CD226: variants seen among roughly 807,000 people sequenced by gnomAD.
CD226 encodes CD226 antigen.
CD226 carries 24 observed loss-of-function variants against 34.9 expected under a neutral mutation model. That is an observed-to-expected ratio of 0.69 (90% confidence interval 0.50 to 0.97). The LOEUF is 0.97. Ranked by LOEUF, CD226 falls within the 50% of genes least tolerant of loss-of-function variation. CD226 has a pLI of 0.00. For synonymous variants in CD226, 148 were observed against 147.4 expected (o/e 1.00, Z -0.03); for missense variants, 397 against 412.7 (o/e 0.96, Z 0.33).
intron 3 of CD226, among the ~76,000 whole-genome samples, chr18:69,882,319 T>C (rs1326757719): frequency 6.6e-6 from 1 of 152,202 alleles, no homozygotes; most frequent in Non-Finnish European, 1.5e-5. Flanking sequence ...AAGGTTTATG[T>C]CAGTTGAGAA....
chr18:69,893,917 T>C (rs995404538), intron 3 of CD226, among the ~76,000 whole-genome samples: 1 of 152,244 alleles, frequency 6.6e-6, no homozygotes, highest in Non-Finnish European at 1.5e-5. Flanking sequence ...AGACCTTTTC[T>C]TCTTCATTTT....
At chr18:69,866,894 C>A (rs1272728943) in intron 5 of CD226, among the ~76,000 whole-genome samples, 1 of 152,106 alleles carries the variant, frequency 6.6e-6, no homozygotes, top group South Asian at 2.1e-4. Flanking sequence ...GATGTGTCTA[C>A]CAGCCAAGGA....
rs1336810401 is a variant in CD226, at chr18:69,902,888, G to A, written c.383-6843C>T. ...AGTAGCTTCACGTATTCCCAACTGT[G>A]CCTAGACTATGAATATGCTCAATTA... On this transcript the variant is annotated intron_variant, in intron 2 of 5. Coordinates refer to ENST00000582621, the MANE Select transcript of CD226 (RefSeq NM_001303618.2). Among the ~76,000 whole-genome samples the A allele has an allele frequency of 2.0e-5, 3 of 152,182 alleles. No homozygotes were observed. In the East Asian group the frequency reaches 5.8e-4, roughly 30 times the overall value.
chr18:69,948,981 T>G (rs2055823534), upstream of CD226, among the ~76,000 whole-genome samples: 1 of 152,102 alleles, frequency 6.6e-6, no homozygotes, highest in Admixed American at 6.5e-5. Flanking sequence ...TAATAGATTG[T>G]GGAAAAGGTT....
intron 2 of CD226, among the ~76,000 whole-genome samples, chr18:69,908,767 A>G (rs77371180): frequency 0.03 from 4,589 of 152,304 alleles, 236 homozygotes; most frequent in African/African-American, 0.1. Context: ...ATATGATTTT[A>G]TTCTTGCCTT....
At chr18:69,928,508 G>A (rs1006582870) in intron 2 of CD226, among the ~76,000 whole-genome samples, 2 of 152,176 alleles carry the variant, frequency 1.3e-5, no homozygotes, top group African/African-American at 2.4e-5. Context: ...CCGGGGGAAT[G>A]CAGGAAACAT....
At chr18:69,872,645 C>T (rs1983606598) in intron 4 of CD226, among the ~76,000 whole-genome samples, 1 of 152,164 alleles carries the variant, frequency 6.6e-6, no homozygotes, top group Non-Finnish European at 1.5e-5. Flanking sequence ...TAATTTTAAG[C>T]ACCTAGATTT....
chr18:69,901,580 T>A (rs1039105304), intron 2 of CD226, among the ~76,000 whole-genome samples: 1 of 151,886 alleles, frequency 6.6e-6, no homozygotes, highest in Admixed American at 6.6e-5. Flanking sequence ...TTAAAAAAGC[T>A]TTAAAAGTAT....
intron 2 of CD226, among the ~76,000 whole-genome samples, chr18:69,922,051 T>TA (rs1362217146): frequency 6.6e-6 from 1 of 152,216 alleles, no homozygotes; most frequent in Non-Finnish European, 1.5e-5. Flanking sequence ...AAGGACTAGT[T>TA]ACACTTACTA....
In CD226 at chr18:69,855,176, T is replaced by C. The variant is rs1982575139; in HGVS notation, c.*9138A>G. ...CAAGAAAAGTCATGGTCTGAAGAGA[T>C]AAAGCAATCATTGGAACCAGATAGA... On this transcript the variant is annotated 3_prime_UTR_variant, in exon 6 of 6. Transcript: ENST00000582621. 1 of 152,102 alleles carries C rather than the reference T, an allele frequency of 6.6e-6. No individual in the cohort carries two copies. The highest frequency in any genetic ancestry group is 2.1e-4 in the South Asian group (1 of 4,816). The allele number at this position is 152,102 out of a possible 1,614,324, so 9.4% of individuals were successfully genotyped here.
chr18:69,875,295 A>G (rs2145195807), intron 3 of CD226, among the ~76,000 whole-genome samples: 1 of 152,044 alleles, frequency 6.6e-6, no homozygotes, highest in South Asian at 2.1e-4. Context: ...CTGCCACCAC[A>G]CCCAGCTAAT....
intron 3 of CD226, among the ~76,000 whole-genome samples, chr18:69,875,296 C>T (rs7228448): frequency 0.078 from 11,892 of 152,174 alleles, 475 homozygotes; most frequent in Middle Eastern, 0.11. Flanking sequence ...TGCCACCACA[C>T]CCAGCTAATT....
chr18:69,957,967 T>C (rs138987181), upstream of CD226, among the ~76,000 whole-genome samples: 41 of 152,320 alleles, frequency 2.7e-4, no homozygotes, highest in East Asian at 6.6e-3. Context: ...CCTTTATTGC[T>C]CATCCAACTT....
chr18:69,947,334 A>G, intron 1 of CD226, 27 bp downstream of exon 1: 1 of 1,454,974 alleles, frequency 6.9e-7, no homozygotes, highest in South Asian at 1.2e-5. Context: ...CAAAACTTTT[A>G]AATGAAAATA....
intron 2 of CD226, among the ~76,000 whole-genome samples, chr18:69,899,739 T>C (rs1985495733): frequency 6.6e-6 from 1 of 152,180 alleles, no homozygotes; most frequent in Non-Finnish European, 1.5e-5. Flanking sequence ...CACCATCTCA[T>C]ACCAGTCAGA....
chr18:69,921,832 GT>G (rs2055455651), intron 2 of CD226, among the ~76,000 whole-genome samples: 1 of 151,974 alleles, frequency 6.6e-6, no homozygotes. Context: ...TTTCCTCCGG[GT>G]TTTTTGTTTT....
intron 3 of CD226, among the ~76,000 whole-genome samples, chr18:69,888,416 CTT>C (rs397771802): frequency 1.7e-4 from 21 of 125,040 alleles, no homozygotes; most frequent in African/African-American, 4.8e-4. Context: ...TTTCCTTTCT[CTT>C]TTTTTTTTTT....
chr18:69,933,780 C>T (rs1347485434), intron 2 of CD226, among the ~76,000 whole-genome samples: 1 of 152,166 alleles, frequency 6.6e-6, no homozygotes, highest in Non-Finnish European at 1.5e-5. Flanking sequence ...CTGCTATTTT[C>T]ACTGAAAACA....
rs943057590 is a variant in CD226 at position 69,865,436 on chromosome 18, A to C, written c.886-997T>G. Among the ~76,000 whole-genome samples, 10 of 152,318 alleles carry C rather than the reference A, an allele frequency of 6.6e-5. No homozygotes were observed. The South Asian group carries it at 8.3e-4, about 13-fold the overall frequency. On this transcript the variant is annotated intron_variant, in intron 5 of 5. Coordinates refer to ENST00000582621, the MANE Select transcript of CD226 (RefSeq NM_001303618.2). ...TATTAACTCTTTAATAATCCTTCAAAATATTATTCTACAAAAACCTGAAAA... is the reference window on the plus strand; with the variant it reads ...TATTAACTCTTTAATAATCCTTCAACATATTATTCTACAAAAACCTGAAAA...
Sources: gnomAD v4.1 joint callset for allele counts (sites outside exome capture counted in the v4.1 genomes callset) on GRCh38, gnomAD v4.1.1 for gene constraint, MANE v1.5 for transcripts, NCBI Gene and HGNC (gene_info 2026-07-23, HGNC 2026-07-21) for gene names.